SLC22A23: variants seen among roughly 807,000 people sequenced by gnomAD.
SLC22A23 encodes solute carrier family 22 member 23, also known as ion transporter protein.
In SLC22A23, 26 loss-of-function variants were observed where a neutral mutation model predicts 61.0. The ratio of observed to expected loss-of-function variants is 0.43; its 90% CI spans 0.31 to 0.59. The LOEUF (loss-of-function observed/expected upper bound fraction) is 0.59. Ranked by LOEUF, SLC22A23 falls within the 20% of genes least tolerant of loss-of-function variation. The pLI is 0.11. For missense variants in SLC22A23, 796 were observed against 934.7 expected, an observed-to-expected ratio of 0.85 and a Z score of 1.94; for synonymous variants, 430 against 413.9, an observed-to-expected ratio of 1.04 and a Z score of -0.47.
At chr6:3,403,041 C>A (rs1581825755) in intron 3 of SLC22A23, among the ~76,000 whole-genome samples, 1 of 152,128 alleles carries the variant, frequency 6.6e-6, no homozygotes, top group African/African-American at 2.4e-5. Context: ...TGGCTCTGCA[C>A]CATTTGAGTT....
rs369299202 is a variant in SLC22A23 at position 3,317,960 on chromosome 6, G to A, written c.1082+5874C>T. ...CCCAGGCAGCTCGTGCAATGACATCGCTCGCCTATCTTGGCTCCACTTGCT... is the reference window on the plus strand; with the variant it reads ...CCCAGGCAGCTCGTGCAATGACATCACTCGCCTATCTTGGCTCCACTTGCT... On this transcript the variant is annotated intron_variant, in intron 4 of 9. Coordinates refer to ENST00000406686, the MANE Select transcript of SLC22A23 (RefSeq NM_015482.2). This position sits in a 1 kb window ranked among gnomAD's most constrained non-coding sequence, Gnocchi z 4.4. 1.1e-4 allele frequency among the ~76,000 whole-genome samples: 17 copies of A among 152,186 alleles called. No homozygotes were observed. Among genetic ancestry groups the A allele is most frequent in the Middle Eastern group, 6.8e-3 (2 of 294 alleles).
Position 3,387,782 on chromosome 6 carries a change from TTTCA to T in SLC22A23, c.913+22402_913+22405del, listed in dbSNP as rs1767403361. Reference sequence around the variant, plus strand: ...TGGTGAACAAGTAAGTATATGTATATTTCATTCAAAGAGTTAACGAAACCCAAGA... The same window carrying T: ...TGGTGAACAAGTAAGTATATGTATATTTCAAAGAGTTAACGAAACCCAAGA... On this transcript the variant is annotated intron_variant, in intron 3 of 9. Transcript: ENST00000406686. The surrounding 1 kb of genome is among the most constrained non-coding windows in gnomAD (Gnocchi z 5.0). 6.6e-6 allele frequency among the ~76,000 whole-genome samples: 1 copy of T among 152,214 alleles called. No individual in the cohort carries two copies. Among genetic ancestry groups the T allele is most frequent in the South Asian group, 2.1e-4 (1 of 4,832 alleles).
intron 3 of SLC22A23, among the ~76,000 whole-genome samples, chr6:3,398,961 C>T (rs1768197013): frequency 6.6e-6 from 1 of 151,972 alleles, no homozygotes; most frequent in Non-Finnish European, 1.5e-5. Flanking sequence ...GCCAGGAGGT[C>T]GAGACTTCGG....
At chr6:3,278,421 T>G (rs1405014014) in intron 9 of SLC22A23, among the ~76,000 whole-genome samples, 1 of 152,100 alleles carries the variant, frequency 6.6e-6, no homozygotes, top group African/African-American at 2.4e-5. Flanking sequence ...ATACTCAAAC[T>G]CCTCCCAGGC....
At chr6:3,432,535 T>A (rs1770935806) in intron 1 of SLC22A23, among the ~76,000 whole-genome samples, 1 of 152,204 alleles carries the variant, frequency 6.6e-6, no homozygotes, top group South Asian at 2.1e-4. Context: ...GTAGCCATCA[T>A]GACAAATGCA....
At chr6:3,447,155 C>T (rs1436603971) in intron 1 of SLC22A23, among the ~76,000 whole-genome samples, 1 of 152,188 alleles carries the variant, frequency 6.6e-6, no homozygotes, top group Non-Finnish European at 1.5e-5. Flanking sequence ...GCCATCGCCA[C>T]CCCCCATTCC....
intron 1 of SLC22A23, among the ~76,000 whole-genome samples, chr6:3,437,650 C>G (rs948618211): frequency 5.3e-5 from 8 of 151,596 alleles, no homozygotes; most frequent in Non-Finnish European, 4.4e-5. Flanking sequence ...GATCGTGCCA[C>G]TGCACTCCAG....
chr6:3,343,406 T>G (rs1764257125), intron 3 of SLC22A23, among the ~76,000 whole-genome samples: 1 of 152,188 alleles, frequency 6.6e-6, no homozygotes, highest in African/African-American at 2.4e-5. Flanking sequence ...CTTTGGATTT[T>G]AAACACCAGA....
chr6:3,448,729 C>T (rs1345032682), intron 1 of SLC22A23, among the ~76,000 whole-genome samples: 3 of 151,922 alleles, frequency 2.0e-5, no homozygotes, highest in African/African-American at 4.8e-5. Context: ...CTCCTGACCT[C>T]GTGATCCGCC....
chr6:3,344,520 G>C (rs1341564659), intron 3 of SLC22A23, among the ~76,000 whole-genome samples: 1 of 152,200 alleles, frequency 6.6e-6, no homozygotes, highest in East Asian at 1.9e-4. Flanking sequence ...ATGTGGTTAA[G>C]AACCTGGGCT....
chr6:3,289,977 G>A (rs897747593), intron 5 of SLC22A23, 111 bp from the exon 6 acceptor site: 1 of 529,930 alleles, frequency 1.9e-6, no homozygotes, highest in Non-Finnish European at 3.4e-6. Context: ...AAGGGAGAGA[G>A]AAGCTTTTTT....
intron 1 of SLC22A23, among the ~76,000 whole-genome samples, chr6:3,453,495 C>T (rs1009941779): frequency 2.0e-5 from 3 of 152,092 alleles, no homozygotes; most frequent in Non-Finnish European, 4.4e-5. Context: ...CTACAATAAC[C>T]TGGGATTCTA....
chr6:3,345,610 C>T (rs558643578), intron 3 of SLC22A23, among the ~76,000 whole-genome samples: 18 of 152,228 alleles, frequency 1.2e-4, no homozygotes, highest in African/African-American at 4.3e-4. Context: ...GGTGATCCTC[C>T]CGCCTCAGCC....
intron 3 of SLC22A23, among the ~76,000 whole-genome samples, chr6:3,398,454 AT>A (rs1219591163): frequency 0.044 from 5,654 of 127,198 alleles, 311 homozygotes; most frequent in African/African-American, 0.13. Flanking sequence ...ACAAAGCACT[AT>A]TTTTTTTTTT....
chr6:3,389,318 G>T (rs1270936834), intron 3 of SLC22A23, among the ~76,000 whole-genome samples: 3 of 150,956 alleles, frequency 2.0e-5, no homozygotes, highest in Non-Finnish European at 2.9e-5. Flanking sequence ...AAGTGCTGGG[G>T]CTGAATGGCA....
At chr6:3,420,932 C>G (rs1770085775) in intron 1 of SLC22A23, among the ~76,000 whole-genome samples, 1 of 151,950 alleles carries the variant, frequency 6.6e-6, no homozygotes, top group African/African-American at 2.4e-5. Flanking sequence ...TGGTGAAATC[C>G]TGTACTAAAA....
rs1432753697 is a variant in SLC22A23 at position 3,414,999 on chromosome 6, T to TG, written c.758+752dup. Among the ~76,000 whole-genome samples the TG allele has an allele frequency of 6.6e-6, 1 of 152,176 alleles. No individual in the cohort carries two copies. Among genetic ancestry groups the TG allele is most frequent in the Non-Finnish European group, 1.5e-5 (1 of 68,038 alleles). ...TCTCCAGCTTAAAGCTGAGTGAACT[T>TG]GGAGATTTTACTTACACTTCTCTGC... On this transcript the variant is annotated intron_variant, in intron 2 of 9. Coordinates refer to ENST00000406686, the MANE Select transcript of SLC22A23 (RefSeq NM_015482.2). The surrounding 1 kb of genome is among the most constrained non-coding windows in gnomAD (Gnocchi z 5.1).
At chr6:3,452,783 A>G (rs867021267) in intron 1 of SLC22A23, among the ~76,000 whole-genome samples, 1 of 152,222 alleles carries the variant, frequency 6.6e-6, no homozygotes, top group Non-Finnish European at 1.5e-5. Context: ...TGCGATGCAA[A>G]TTCTGGTACC....
intron 3 of SLC22A23, among the ~76,000 whole-genome samples, chr6:3,378,814 C>T (rs1259437480): frequency 6.6e-6 from 1 of 151,964 alleles, no homozygotes; most frequent in Non-Finnish European, 1.5e-5. Context: ...CCTGCCACCA[C>T]ACCCGGCTAA....
Sources: gnomAD v4.1 joint callset for allele counts (sites outside exome capture counted in the v4.1 genomes callset) on GRCh38, gnomAD v4.1.1 for gene constraint, Gnocchi (gnomAD v3.1) non-coding constraint, MANE v1.5 for transcripts, NCBI Gene and HGNC (gene_info 2026-07-23, HGNC 2026-07-21) for gene names.